Variants in UNK observed in about 807,000 individuals in gnomAD.
The protein encoded by UNK is unk zinc finger.
Under a neutral mutation model 97.6 loss-of-function variants are expected in UNK, and 32 were observed. The observed-to-expected ratio is 0.33, with a 90% CI of 0.25 to 0.44. The LOEUF (loss-of-function observed/expected upper bound fraction) is 0.44, where lower values mean the gene tolerates loss of function less well. Among genes scored for constraint, UNK ranks in the 20% least tolerant of loss-of-function variants. The pLI is 1.00. For synonymous variants in UNK, 441 were observed against 461.2 expected, an observed-to-expected ratio of 0.96 and a Z score of 0.56; for missense variants, 771 against 1,098.4, an observed-to-expected ratio of 0.70 and a Z score of 4.21.
chr17:75,801,401 C>G (rs188196666), intron 1 of UNK, among the ~76,000 whole-genome samples: 281 of 152,152 alleles, frequency 1.8e-3, no homozygotes, highest in Non-Finnish European at 3.0e-3. Flanking sequence ...GCTTGTAATC[C>G]CAGCACTTTG....
Position 75,824,454 on chromosome 17 carries a change from C to T in UNK, c.*37C>T. On this transcript the variant is annotated 3_prime_UTR_variant, in exon 16 of 16. Transcript: ENST00000589666. The surrounding 1 kb of genome is among the most constrained non-coding windows in gnomAD (Gnocchi z 4.9). ...TGGCCCAGCCTGGCCCAGATCTTCTCACCTAGGACTTTTTAAAGTATATAT... is the reference window on the plus strand; with the variant it reads ...TGGCCCAGCCTGGCCCAGATCTTCTTACCTAGGACTTTTTAAAGTATATAT... 2 of 1,376,302 alleles carry T rather than the reference C, an allele frequency of 1.5e-6. No individual in the cohort carries two copies. Among genetic ancestry groups the T allele is most frequent in the Non-Finnish European group, 1.9e-6 (2 of 1,065,504 alleles). 85.3% of individuals were successfully genotyped at this position (1,376,302 alleles called of 1,614,324 possible).
At chr17:75,796,005 G>A (rs1223922607) in intron 1 of UNK, among the ~76,000 whole-genome samples, 3 of 152,284 alleles carry the variant, frequency 2.0e-5, no homozygotes, top group African/African-American at 7.2e-5. Flanking sequence ...TTGAACTGTG[G>A]GTTGCTGTGT....
chr17:75,796,274 A>ATCTC (rs2061805011), intron 1 of UNK, among the ~76,000 whole-genome samples: 1 of 151,096 alleles, frequency 6.6e-6, no homozygotes, highest in African/African-American at 2.4e-5. Context: ...TGGAAGCCAC[A>ATCTC]TCTCTATAGC....
intron 13 of UNK, among the ~76,000 whole-genome samples, chr17:75,820,983 G>A (rs1471434168): frequency 1.3e-5 from 2 of 151,918 alleles, no homozygotes; most frequent in African/African-American, 2.4e-5. Flanking sequence ...TCTCTGTTAC[G>A]TTGATTCTGT....
intron 1 of UNK, among the ~76,000 whole-genome samples, chr17:75,787,204 C>G (rs980007494): frequency 1.3e-5 from 2 of 152,076 alleles, no homozygotes; most frequent in African/African-American, 4.8e-5. Flanking sequence ...AGCACACTTG[C>G]TGGCTCTGAT....
intron 1 of UNK, among the ~76,000 whole-genome samples, chr17:75,798,721 A>G (rs1271064274): frequency 1.3e-5 from 2 of 150,548 alleles, no homozygotes; most frequent in African/African-American, 4.9e-5. Flanking sequence ...ATTAATCTGT[A>G]GTGGCTGTGC....
At chr17:75,822,409 A>C in intron 13 of UNK, 68 bp from the exon 14 acceptor site, 1 of 1,520,366 alleles carries the variant, frequency 6.6e-7, no homozygotes, top group Non-Finnish European at 8.9e-7. Context: ...GGAACCTCTG[A>C]GGCAGGGCTG....
chr17:75,797,603 T>C (rs1386356503), intron 1 of UNK, among the ~76,000 whole-genome samples: 1 of 152,188 alleles, frequency 6.6e-6, no homozygotes, highest in African/African-American at 2.4e-5. Flanking sequence ...CATTAGTAGC[T>C]TATTAGGGAT....
At chr17:75,796,794 G>A (rs1038521957) in intron 1 of UNK, among the ~76,000 whole-genome samples, 5 of 152,212 alleles carry the variant, frequency 3.3e-5, no homozygotes, top group South Asian at 4.1e-4. Flanking sequence ...ATTTTTAGCA[G>A]CTTGTAACAA....
chr17:75,794,267 CAT>C, intron 1 of UNK: 1 of 762,488 alleles, frequency 1.3e-6, no homozygotes, highest in Non-Finnish European at 1.6e-6. Flanking sequence ...AACTCTCTGA[CAT>C]ATTCTAAACA....
intron 1 of UNK, among the ~76,000 whole-genome samples, chr17:75,796,776 A>G (rs978247301): frequency 1.3e-5 from 2 of 152,264 alleles, no homozygotes; most frequent in Admixed American, 1.3e-4. Flanking sequence ...TTGCAAAAAT[A>G]AGGAAAGATT....
chr17:75,813,689 C>G, intron 5 of UNK, 72 bp from the exon 6 acceptor site: 2 of 1,333,452 alleles, frequency 1.5e-6, no homozygotes, highest in South Asian at 2.7e-5. Context: ...GAGGCTGGGT[C>G]CAGGTGGCAC....
intron 14 of UNK, 37 bp downstream of exon 14, chr17:75,822,695 C>A: frequency 6.4e-7 from 1 of 1,553,640 alleles, no homozygotes; most frequent in Admixed American, 1.9e-5. Context: ...TCCCCAGTGC[C>A]AGGTGGCATC....
chr17:75,797,788 G>A (rs1599364418), intron 1 of UNK, among the ~76,000 whole-genome samples: 1 of 152,284 alleles, frequency 6.6e-6, no homozygotes, highest in Non-Finnish European at 1.5e-5. Flanking sequence ...CATCCAGAGT[G>A]AGTTATTCCA....
In UNK at chr17:75,794,235, A is replaced by G. The variant is rs114851063; in HGVS notation, c.104+9251A>G. The G allele has an allele frequency of 1.1e-3, 1,045 of 921,572 alleles. 11 individuals carry two copies. The African/African-American group carries it at 0.015, about 13-fold the overall frequency. The allele number at this position is 921,572 out of a possible 1,614,324, so 57.1% of individuals were successfully genotyped here. A position where few individuals can be genotyped will look rare whatever the true frequency, so the allele number is the denominator to read the frequency against. Reference sequence around the variant, plus strand: ...TTATTTCAGCAACTTATTTTATGGTATTGTAGTTATGGCCTGTCCGAAACT... The same window carrying G: ...TTATTTCAGCAACTTATTTTATGGTGTTGTAGTTATGGCCTGTCCGAAACT... On this transcript the variant is annotated intron_variant, in intron 1 of 15. Transcript: ENST00000589666.
In UNK at chr17:75,784,825, G is replaced by A. The variant is rs887089966; in HGVS notation, c.-56G>A. 2 of 1,572,974 alleles carry A rather than the reference G, an allele frequency of 1.3e-6. No individual in the cohort carries two copies. Among genetic ancestry groups the A allele is most frequent in the Non-Finnish European group, 1.7e-6 (2 of 1,144,098 alleles). ...GCAGGCGCACTGGGTCCTCGGCGCGGACCGCGCAGACTGAATAATAAAAGG... is the reference window on the plus strand; with the variant it reads ...GCAGGCGCACTGGGTCCTCGGCGCGAACCGCGCAGACTGAATAATAAAAGG... On this transcript the variant is annotated 5_prime_UTR_variant, in exon 1 of 16. Transcript: ENST00000589666.
At chr17:75,809,684 C>T (rs886151357) in intron 1 of UNK, 76 bp from the exon 2 acceptor site, 232 of 1,498,752 alleles carry the variant, frequency 1.5e-4, no homozygotes, top group Non-Finnish European at 1.9e-4. Context: ...GGGGACTTGG[C>T]GGCTAACTTC....
At chr17:75,802,381 C>A (rs2061869609) in intron 1 of UNK, among the ~76,000 whole-genome samples, 1 of 149,446 alleles carries the variant, frequency 6.7e-6, no homozygotes, top group Non-Finnish European at 1.5e-5. Context: ...CTTCAGCCTC[C>A]CAAGTAGCTG....
At position 75,816,991 on chromosome 17, in the gene UNK, G is replaced by A; in HGVS notation, c.1104+79G>A. 1 of 1,488,770 alleles carries A rather than the reference G, an allele frequency of 6.7e-7. No homozygotes were observed. The highest frequency in any genetic ancestry group is 8.9e-7 in the Non-Finnish European group (1 of 1,117,786). The allele number at this position is 1,488,770 out of a possible 1,614,324, so 92.2% of individuals were successfully genotyped here. ...TTGCCTCCTAGGCCCTTTCAGCCTG[G>A]GCTTGGGAGACCATCCTGGTATTTG... On this transcript the variant is annotated intron_variant, in intron 8 of 15. Coordinates refer to ENST00000589666, the MANE Select transcript of UNK (RefSeq NM_001080419.3). This position sits in a 1 kb window ranked among gnomAD's most constrained non-coding sequence, Gnocchi z 4.0.
Sources: allele counts gnomAD v4.1 joint callset (sites outside exome capture counted in the v4.1 genomes callset), GRCh38; gene constraint gnomAD v4.1.1; non-coding constraint Gnocchi (gnomAD v3.1); transcripts MANE v1.5; gene names NCBI Gene and HGNC (gene_info 2026-07-23, HGNC 2026-07-21).